Variants in CCDC201 observed in about 807,000 individuals in gnomAD.
The protein encoded by CCDC201 is coiled-coil domain containing 201, also known as coiled-coil domain-containing protein 201.
intron 1 of CCDC201, among the ~76,000 whole-genome samples, chr7:45,868,865 G>A (rs1283282289): frequency 2.0e-5 from 3 of 152,146 alleles, no homozygotes; most frequent in African/African-American, 7.2e-5. Flanking sequence ...AAGTCCAGTT[G>A]AAAGTCCAGT....
chr7:45,870,189 T>C (rs1786728549), intron 1 of CCDC201, among the ~76,000 whole-genome samples: 1 of 152,224 alleles, frequency 6.6e-6, no homozygotes, highest in Admixed American at 6.5e-5. Flanking sequence ...GACAGTCTAG[T>C]AGTGCATCTC....
the CCDC201 span, among the ~76,000 whole-genome samples, chr7:45,878,385 T>A: frequency 2.0e-5 from 3 of 152,154 alleles, no homozygotes; most frequent in African/African-American, 7.2e-5. Context: ...TAATAAATGT[T>A]CTCCATGAAG....
chr7:45,884,191 C>T, the CCDC201 span, among the ~76,000 whole-genome samples: 103 of 152,190 alleles, frequency 6.8e-4, 1 homozygote, highest in Middle Eastern at 3.4e-3. Context: ...GCCTCAAACT[C>T]CTGGGCTTAA....
chr7:45,871,940 G>A (rs937529007), intron 1 of CCDC201, among the ~76,000 whole-genome samples: 3 of 152,132 alleles, frequency 2.0e-5, no homozygotes, highest in Admixed American at 6.5e-5. Flanking sequence ...TTGGAAACTG[G>A]AACATCTTCT....
At chr7:45,864,433 A>G (rs1051623967) in intron 2 of CCDC201, among the ~76,000 whole-genome samples, 3 of 152,202 alleles carry the variant, frequency 2.0e-5, no homozygotes, top group African/African-American at 7.2e-5. Context: ...AGGTGGGAAC[A>G]TTAACCCATG....
chr7:45,867,078 C>T (rs1211721334), intron 1 of CCDC201, among the ~76,000 whole-genome samples: 3 of 152,212 alleles, frequency 2.0e-5, no homozygotes, highest in East Asian at 3.9e-4. Flanking sequence ...CTCCTGCACT[C>T]ACACCCTTTT....
rs112330590 is a variant in CCDC201 at position 45,860,138 on chromosome 7, C to T, written c.*2947G>A. The T allele has an allele frequency of 4.0e-3, 606 of 152,074 alleles. 4 individuals are homozygous for T. Among genetic ancestry groups the T allele is most frequent in the African/African-American group, 0.014 (570 of 41,098 alleles). 9.4% of individuals were successfully genotyped at this position (152,074 alleles called of 1,614,324 possible). A position where few individuals can be genotyped will look rare whatever the true frequency, so the allele number is the denominator to read the frequency against. ...GTTAGGAGCAATGTTTTGTGGGCAG[C>T]GGGGGGATCTCACAAAGTACATTCT... On this transcript the variant is annotated 3_prime_UTR_variant, in exon 3 of 3. Transcript: ENST00000636578.
upstream of CCDC201, among the ~76,000 whole-genome samples, chr7:45,876,497 C>A (rs561333245): frequency 2.0e-5 from 3 of 152,146 alleles, no homozygotes; most frequent in Admixed American, 6.5e-5. Flanking sequence ...GGCCAGGCCA[C>A]CCCCAGGGCT....
At chr7:45,876,789 A>C (rs1786814255), upstream of CCDC201, among the ~76,000 whole-genome samples, 2 of 152,232 alleles carry the variant, frequency 1.3e-5, no homozygotes, top group Non-Finnish European at 2.9e-5. Context: ...GAAGCCATGC[A>C]TGTGCCTGCA....
chr7:45,883,967 TTTTC>T, the CCDC201 span, among the ~76,000 whole-genome samples: 292 of 147,954 alleles, frequency 2.0e-3, no homozygotes, highest in African/African-American at 5.3e-3. Flanking sequence ...CTTTCTTTCT[TTTTC>T]TTTCTTTCTT....
upstream of CCDC201, among the ~76,000 whole-genome samples, chr7:45,876,258 A>T (rs1053389207): frequency 2.0e-5 from 3 of 152,178 alleles, no homozygotes; most frequent in African/African-American, 7.2e-5. Context: ...CAGTAACTCA[A>T]ATGACTACCA....
At chr7:45,877,380 A>G (rs1786823612), upstream of CCDC201, among the ~76,000 whole-genome samples, 1 of 152,208 alleles carries the variant, frequency 6.6e-6, no homozygotes, top group Non-Finnish European at 1.5e-5. Flanking sequence ...TACTCTTTGT[A>G]AAGCACCACA....
At chr7:45,879,651 C>T in the CCDC201 span, among the ~76,000 whole-genome samples, 11 of 152,190 alleles carry the variant, frequency 7.2e-5, no homozygotes, top group South Asian at 2.1e-4. Context: ...CCAATCACAT[C>T]GCACCAGGCC....
chr7:45,869,420 G>A (rs1351828437), intron 1 of CCDC201, among the ~76,000 whole-genome samples: 1 of 152,176 alleles, frequency 6.6e-6, no homozygotes, highest in Non-Finnish European at 1.5e-5. Context: ...TGAAACCAAG[G>A]CTTACCCAGG....
chr7:45,876,329 C>G (rs1323618696), upstream of CCDC201, among the ~76,000 whole-genome samples: 1 of 152,180 alleles, frequency 6.6e-6, no homozygotes, highest in Non-Finnish European at 1.5e-5. Context: ...TTTTCTATCA[C>G]AAGGACTGAT....
chr7:45,870,675 C>T (rs912929391), intron 1 of CCDC201, among the ~76,000 whole-genome samples: 5 of 152,032 alleles, frequency 3.3e-5, no homozygotes, highest in Admixed American at 2.0e-4. Context: ...ATTCATAGAG[C>T]GAACTCCTAG....
chr7:45,869,079 C>T (rs1237188339), intron 1 of CCDC201, among the ~76,000 whole-genome samples: 1 of 152,136 alleles, frequency 6.6e-6, no homozygotes, highest in Non-Finnish European at 1.5e-5. Flanking sequence ...ATGTCACTGA[C>T]TCTTTTGAAC....
exon 3 of CCDC201, chr7:45,860,074 T>C (rs769090682): frequency 2.5e-4 from 40 of 156,878 alleles, no homozygotes; most frequent in Non-Finnish European, 8.4e-5. Flanking sequence ...GGTGGTGGGA[T>C]TATCATTAGT....
chr7:45,864,445 G>C (rs551264549), intron 2 of CCDC201, among the ~76,000 whole-genome samples: 1 of 152,298 alleles, frequency 6.6e-6, no homozygotes, highest in African/African-American at 2.4e-5. Context: ...TAACCCATGG[G>C]GATGCTGACT....
Sources: gnomAD v4.1 joint callset for allele counts (sites outside exome capture counted in the v4.1 genomes callset) on GRCh38, gnomAD v4.1.1 for gene constraint, MANE v1.5 for transcripts, NCBI Gene and HGNC (gene_info 2026-07-23, HGNC 2026-07-21) for gene names.